Variants in SMAP1 observed in about 807,000 individuals in gnomAD.
The protein encoded by SMAP1 is small ArfGAP 1.
In SMAP1, 24 loss-of-function variants were observed where a neutral mutation model predicts 58.5. That is an observed-to-expected ratio of 0.41 (90% CI 0.30 to 0.58). The LOEUF is 0.58. SMAP1 is among the 20% of genes least tolerant of loss of function. The pLI is 0.29. For missense variants in SMAP1, 563 were observed against 566.3 expected (o/e 0.99, Z 0.06); for synonymous variants, 216 against 196.6 (o/e 1.10, Z -0.82).
intron 1 of SMAP1, among the ~76,000 whole-genome samples, chr6:70,692,175 T>C (rs67594983): frequency 0.095 from 14,462 of 152,284 alleles, 864 homozygotes; most frequent in Admixed American, 0.15. Context: ...TTTGCATTTC[T>C]CTGATAATCA....
intron 2 of SMAP1, among the ~76,000 whole-genome samples, chr6:70,753,513 C>T (rs891843287): frequency 6.6e-6 from 1 of 152,116 alleles, no homozygotes; most frequent in Admixed American, 6.6e-5. Context: ...GATGCAGCAT[C>T]ATTTGAATGC....
At chr6:70,809,983 ACTC>A (rs1206822819) in intron 6 of SMAP1, among the ~76,000 whole-genome samples, 15 of 152,002 alleles carry the variant, frequency 9.9e-5, no homozygotes, top group Non-Finnish European at 2.9e-5. Context: ...GCTGTTAACA[ACTC>A]CTCATCTTTC....
rs894385602 is a variant in SMAP1 at position 70,742,991 on chromosome 6, G to A, written c.252+10480G>A. ...TCTCCAACTGGGTCTCTCCCACAACGCCTGAGAATTATGGGAGCTACAATT... is the reference window on the plus strand; with the variant it reads ...TCTCCAACTGGGTCTCTCCCACAACACCTGAGAATTATGGGAGCTACAATT... On this transcript the variant is annotated intron_variant, in intron 2 of 10. Coordinates refer to ENST00000370455, the MANE Select transcript of SMAP1 (RefSeq NM_001044305.3). Among the ~76,000 whole-genome samples the A allele has an allele frequency of 4.6e-5, 7 of 152,092 alleles. No homozygotes were observed. In the South Asian group the frequency reaches 6.2e-4, roughly 14 times the overall value.
In SMAP1 at chr6:70,832,042, C is replaced by T. The variant is rs148541900; in HGVS notation, c.577-4899C>T. ...TAGTGATGTTGAGCATTTTTTTATA[C>T]ACTTGTTGGCTACGTGTATGTTTTC... On this transcript the variant is annotated intron_variant, in intron 6 of 10. Transcript: ENST00000370455. Among the ~76,000 whole-genome samples the T allele has an allele frequency of 4.8e-3, 737 of 152,114 alleles. 8 individuals carry two copies. The highest frequency in any genetic ancestry group is 0.017 in the African/African-American group (686 of 41,506).
chr6:70,756,340 C>A (rs1273442787), intron 3 of SMAP1, among the ~76,000 whole-genome samples: 1 of 151,986 alleles, frequency 6.6e-6, no homozygotes, highest in Admixed American at 6.6e-5. Context: ...ATGTTTATTT[C>A]CACATTTGGA....
chr6:70,825,491 G>A (rs1770076744), intron 6 of SMAP1, among the ~76,000 whole-genome samples: 1 of 152,040 alleles, frequency 6.6e-6, no homozygotes, highest in African/African-American at 2.4e-5. Flanking sequence ...AGTGAGATGA[G>A]TGTTAAAGAT....
intron 1 of SMAP1, among the ~76,000 whole-genome samples, chr6:70,724,506 A>G (rs1768679796): frequency 1.3e-5 from 2 of 152,202 alleles, no homozygotes; most frequent in South Asian, 4.1e-4. Flanking sequence ...AAGATAGGAA[A>G]TGTTCTGTGA....
chr6:70,678,103 A>G (rs1284912519), intron 1 of SMAP1, among the ~76,000 whole-genome samples: 2 of 152,252 alleles, frequency 1.3e-5, no homozygotes, highest in Non-Finnish European at 2.9e-5. Context: ...TGATGTTTAC[A>G]TATATTTTGA....
chr6:70,715,287 A>G (rs1768221372), intron 1 of SMAP1, among the ~76,000 whole-genome samples: 3 of 151,416 alleles, frequency 2.0e-5, no homozygotes, highest in Non-Finnish European at 4.4e-5. Flanking sequence ...GTGGAGACAG[A>G]GTTTTTCCAT....
chr6:70,702,460 GT>G (rs1392510236), intron 1 of SMAP1, among the ~76,000 whole-genome samples: 1 of 151,762 alleles, frequency 6.6e-6, no homozygotes, highest in South Asian at 2.1e-4. Flanking sequence ...TCTTTTAGCA[GT>G]TTTTTCTTCT....
In SMAP1 at chr6:70,861,702, C is replaced by G; in HGVS notation, c.*1368C>G. On this transcript the variant is annotated 3_prime_UTR_variant, in exon 11 of 11. Coordinates refer to ENST00000370455, the MANE Select transcript of SMAP1 (RefSeq NM_001044305.3). ...TCACTGTGTCCAGGTGGTACTTTGG[C>G]TCGTTGGCTAGATTAACCTTCTCTG... 1 of 1,614,110 alleles carries G rather than the reference C, an allele frequency of 6.2e-7. No individual in the cohort carries two copies.
intron 5 of SMAP1, among the ~76,000 whole-genome samples, chr6:70,795,164 G>A (rs760334811): frequency 9.2e-5 from 14 of 152,248 alleles, no homozygotes; most frequent in Non-Finnish European, 1.8e-4. Context: ...CTGAATTCTG[G>A]TGTTAAAGAG....
At chr6:70,703,408 G>T (rs4707847) in intron 1 of SMAP1, among the ~76,000 whole-genome samples, 75,283 of 151,984 alleles carry the variant, frequency 0.5, 18,984 homozygotes, top group Non-Finnish European at 0.52. Flanking sequence ...TATGGGAATT[G>T]TATCGGTTCC....
At position 70,797,233 on chromosome 6, in the gene SMAP1, A is replaced by G. The variant is rs543237771; in HGVS notation, c.496-1424A>G. On this transcript the variant is annotated intron_variant, in intron 5 of 10. Transcript: ENST00000370455. ...TTTTTAAAATCACACAACAAACACT[A>G]AAATTATAATGTGCCATATTTGTGT... Among the ~76,000 whole-genome samples, 4 of 152,298 alleles carry G rather than the reference A, an allele frequency of 2.6e-5. No individual in the cohort carries two copies. The South Asian group carries it at 8.3e-4, about 32-fold the overall frequency.
chr6:70,766,198 A>G (rs1404008762), intron 3 of SMAP1, among the ~76,000 whole-genome samples: 1 of 152,172 alleles, frequency 6.6e-6, no homozygotes, highest in Non-Finnish European at 1.5e-5. Flanking sequence ...TAGTGCCACA[A>G]TAAACATACA....
At chr6:70,710,791 C>T (rs564888221) in intron 1 of SMAP1, among the ~76,000 whole-genome samples, 2 of 152,240 alleles carry the variant, frequency 1.3e-5, no homozygotes, top group East Asian at 1.9e-4. Flanking sequence ...TTAAGACACA[C>T]GTTGTACAGC....
intron 3 of SMAP1, among the ~76,000 whole-genome samples, chr6:70,759,600 T>C (rs1157805020): frequency 1.3e-5 from 2 of 152,138 alleles, no homozygotes; most frequent in East Asian, 3.8e-4. Flanking sequence ...AACTATTCTA[T>C]GCACCATTTT....
At chr6:70,798,619 A>G in intron 5 of SMAP1, 38 bp from the exon 6 acceptor site, 1 of 1,477,590 alleles carries the variant, frequency 6.8e-7, no homozygotes, top group South Asian at 1.4e-5. Flanking sequence ...CCATTTTTTA[A>G]AAAAGTAAAC....
At chr6:70,831,729 C>T (rs182906723) in intron 6 of SMAP1, among the ~76,000 whole-genome samples, 15 of 152,186 alleles carry the variant, frequency 9.9e-5, no homozygotes, top group South Asian at 4.2e-4. Context: ...GATGAACATA[C>T]GTGTGGATAT....
Sources: gnomAD v4.1 joint callset for allele counts (sites outside exome capture counted in the v4.1 genomes callset) on GRCh38, gnomAD v4.1.1 for gene constraint, MANE v1.5 for transcripts, NCBI Gene and HGNC (gene_info 2026-07-23, HGNC 2026-07-21) for gene names.